RP1: variants seen among roughly 807,000 people sequenced by gnomAD.
RP1 encodes RP1 axonemal microtubule associated, also known as oxygen-regulated protein 1.
In RP1, 16 loss-of-function variants were observed where a neutral mutation model predicts 14.8. The observed-to-expected ratio is 1.08, with a 90% confidence interval of 0.73 to 1.65. RP1 has a LOEUF of 1.65. RP1 is among the 40% of genes most tolerant of loss of function. The probability of loss-of-function intolerance (pLI) is 0.00; values close to 1 mark genes in which losing one functional copy is unlikely to be tolerated. For missense variants in RP1, 2,631 were observed against 2,535.0 expected (o/e 1.04, Z -0.81); for synonymous variants, 876 against 883.6 (o/e 0.99, Z 0.15).
intron 12 of RP1, among the ~76,000 whole-genome samples, chr8:54,687,087 T>C (rs1274550663): frequency 2.0e-5 from 3 of 152,172 alleles, no homozygotes; most frequent in African/African-American, 7.2e-5. Flanking sequence ...ATTGCATTTT[T>C]CTTTTTTTAT....
chr8:54,645,164 T>A (rs975711834), intron 3 of RP1, among the ~76,000 whole-genome samples: 5 of 152,202 alleles, frequency 3.3e-5, no homozygotes, highest in African/African-American at 1.2e-4. Flanking sequence ...GTTACTCCAG[T>A]TTCTGGCTAT....
intron 24 of RP1, among the ~76,000 whole-genome samples, chr8:54,802,796 G>A (rs531729871): frequency 3.3e-5 from 5 of 152,276 alleles, no homozygotes; most frequent in African/African-American, 4.8e-5. Flanking sequence ...TTAGTGCCCC[G>A]TTAAGCAGGA....
chr8:54,627,323 A>C lies in RP1; in HGVS notation c.3441A>C (p.Gln1147His). 1.2e-6 allele frequency: 2 copies of C among 1,614,158 alleles called. No individual in the cohort carries two copies. The highest frequency in any genetic ancestry group is 1.7e-6 in the Non-Finnish European group (2 of 1,179,972). Reference protein sequence around the residue: ...NLKGSMNSFCQVDAHKATNKS... With the variant: ...NLKGSMNSFCHVDAHKATNKS... ...AGGGAAGTATGAATAGCTTCTGTCA[A>C]GTTGATGCTCACAAGGCTACCAACA... Residue 1147 changes from glutamine (Q) to histidine (H), a missense_variant, in exon 4 of 4, where the codon CAA becomes CAC. Transcript: ENST00000220676.
intron 24 of RP1, among the ~76,000 whole-genome samples, chr8:54,823,880 C>T (rs1453421001): frequency 6.6e-6 from 1 of 152,160 alleles, no homozygotes; most frequent in African/African-American, 2.4e-5. Flanking sequence ...ATTTTCCAGA[C>T]TGTACTATTT....
chr8:54,738,890 G>A (rs767477386), intron 18 of RP1: 63 of 1,196,400 alleles, frequency 5.3e-5, no homozygotes, highest in Non-Finnish European at 6.7e-5. Flanking sequence ...ATTTTTTAAT[G>A]TGCTTAATTT....
chr8:54,707,523 A>C (rs1024628219), intron 15 of RP1, among the ~76,000 whole-genome samples: 24 of 152,230 alleles, frequency 1.6e-4, no homozygotes, highest in African/African-American at 5.8e-4. Context: ...GGTGAGGAAC[A>C]AGTAAGATTG....
chr8:54,633,126 C>G (rs898034823), downstream of RP1, among the ~76,000 whole-genome samples: 2 of 152,112 alleles, frequency 1.3e-5, no homozygotes. Flanking sequence ...AAGCTGAATG[C>G]CCAACTGTGC....
At chr8:54,679,988 G>A in intron 12 of RP1, 1 of 1,498,374 alleles carries the variant, frequency 6.7e-7, no homozygotes, top group East Asian at 2.5e-5. Context: ...GTTAAAGGAA[G>A]GTAGATTTCT....
chr8:54,577,142 A>C (rs996949206), intron 1 of RP1, among the ~76,000 whole-genome samples: 5 of 151,918 alleles, frequency 3.3e-5, no homozygotes, highest in Non-Finnish European at 7.4e-5. Context: ...CAGCCTCCTG[A>C]GTAGCTGGGA....
At chr8:54,802,550 A>G (rs1331495219) in intron 24 of RP1, among the ~76,000 whole-genome samples, 1 of 152,224 alleles carries the variant, frequency 6.6e-6, no homozygotes, top group Non-Finnish European at 1.5e-5. Context: ...TGTTTTATCC[A>G]CTTTCTCAAA....
chr8:54,802,646 AG>A, intron 24 of RP1, among the ~76,000 whole-genome samples: 1 of 152,344 alleles, frequency 6.6e-6, no homozygotes. Context: ...TCGTTCAGCA[AG>A]TATTTCTATG....
chr8:54,623,505 A>G (rs924855575), intron 3 of RP1, among the ~76,000 whole-genome samples: 3 of 151,342 alleles, frequency 2.0e-5, no homozygotes, highest in South Asian at 2.1e-4. Flanking sequence ...GGGTCTCACT[A>G]TGTTACCCAG....
At chr8:54,644,510 T>A (rs1806508770) in intron 3 of RP1, among the ~76,000 whole-genome samples, 1 of 152,202 alleles carries the variant, frequency 6.6e-6, no homozygotes, top group Non-Finnish European at 1.5e-5. Flanking sequence ...TCCACAGATC[T>A]TTCCTTGGTA....
At chr8:54,637,889 A>G (rs1465842903) in intron 3 of RP1, among the ~76,000 whole-genome samples, 1 of 152,152 alleles carries the variant, frequency 6.6e-6, no homozygotes, top group African/African-American at 2.4e-5. Flanking sequence ...AAAAGTGCAC[A>G]TCTATTCTAT....
At chr8:54,600,825 C>T (rs1389770641) in intron 1 of RP1, among the ~76,000 whole-genome samples, 1 of 152,160 alleles carries the variant, frequency 6.6e-6, no homozygotes, top group Admixed American at 6.5e-5. Flanking sequence ...TTTAAATCTG[C>T]TCCTATCGGT....
intron 22 of RP1, among the ~76,000 whole-genome samples, chr8:54,760,305 G>A (rs528138831): frequency 1.4e-4 from 22 of 152,232 alleles, no homozygotes; most frequent in Admixed American, 3.3e-4. Flanking sequence ...CATCGCAGTC[G>A]TCTTCCAATT....
intron 14 of RP1, among the ~76,000 whole-genome samples, chr8:54,705,130 T>A (rs903292830): frequency 3.9e-5 from 6 of 152,120 alleles, no homozygotes; most frequent in African/African-American, 1.4e-4. Flanking sequence ...AATACTATCC[T>A]CACTTCTGAC....
At chr8:54,606,475 A>G (rs1361436586) in intron 1 of RP1, among the ~76,000 whole-genome samples, 1 of 151,940 alleles carries the variant, frequency 6.6e-6, no homozygotes, top group East Asian at 1.9e-4. Context: ...TGCCCTTAAC[A>G]TTTATTCCTT....
chr8:54,631,822 T>C (rs1171999707), downstream of RP1, among the ~76,000 whole-genome samples: 1 of 151,650 alleles, frequency 6.6e-6, no homozygotes, highest in East Asian at 1.9e-4. Flanking sequence ...ATCATTGTTT[T>C]CATGTGAGGA....
Sources: gnomAD v4.1 joint callset for allele counts (sites outside exome capture counted in the v4.1 genomes callset) on GRCh38, gnomAD v4.1.1 for gene constraint, MANE v1.5 for transcripts, NCBI Gene and HGNC (gene_info 2026-07-23, HGNC 2026-07-21) for gene names.